CSNK1E: variants seen among roughly 807,000 people sequenced by gnomAD.
CSNK1E encodes casein kinase 1 epsilon, also known as casein kinase I isoform epsilon.
A neutral mutation model predicts 46.1 loss-of-function variants in CSNK1E; 17 were observed. The observed-to-expected ratio is 0.37, with a 90% confidence interval of 0.25 to 0.55. CSNK1E has a LOEUF of 0.55. Among genes scored for constraint, CSNK1E ranks in the 20% least tolerant of loss-of-function variants. CSNK1E has a pLI of 0.82. For synonymous variants in CSNK1E, 241 were observed against 242.6 expected, an observed-to-expected ratio of 0.99 and a Z score of 0.06; for missense variants, 386 against 595.4, an observed-to-expected ratio of 0.65 and a Z score of 3.66.
rs1465490602 is a variant in CSNK1E at position 38,300,209 on chromosome 22, ACTG to A, written c.566-147_566-145del. On this transcript the variant is annotated intron_variant, in intron 5 of 10. Coordinates refer to ENST00000396832, the MANE Select transcript of CSNK1E (RefSeq NM_152221.3). The surrounding 1 kb of genome is among the most constrained non-coding windows in gnomAD (Gnocchi z 4.4). ...CTCACTGCACGCATTTTAAACAGGC[ACTG>A]CTATTATCCTCCTCCTACAGAGAAG... is the stretch of plus-strand genomic sequence containing the variant. 15 of 710,468 alleles carry A rather than the reference ACTG, an allele frequency of 2.1e-5. No homozygotes were observed. In the East Asian group the frequency reaches 3.8e-4, roughly 18 times the overall value. The allele number at this position is 710,468 out of a possible 1,614,324, so 44.0% of individuals were successfully genotyped here. A position where few individuals can be genotyped will look rare whatever the true frequency, so the allele number is the denominator to read the frequency against.
chr22:38,301,686 G>A (rs1483064237), intron 4 of CSNK1E, among the ~76,000 whole-genome samples: 2 of 152,164 alleles, frequency 1.3e-5, no homozygotes, highest in East Asian at 1.9e-4. Context: ...CGCCTGCCTC[G>A]GCCTCCCAAA....
Position 38,303,739 on chromosome 22 carries a change from GC to G in CSNK1E, c.77-492del, listed in dbSNP as rs1172671135. Among the ~76,000 whole-genome samples, 1 of 152,186 alleles carries G rather than the reference GC, an allele frequency of 6.6e-6. No individual in the cohort carries two copies. The highest frequency in any genetic ancestry group is 2.4e-5 in the African/African-American group (1 of 41,444). Reference sequence around the variant, plus strand: ...CAGCAACCCCTCAGTCAATGCTGATGCCTTCAGAGGCAGCCCTGCACATTCT... The same window carrying G: ...CAGCAACCCCTCAGTCAATGCTGATGCTTCAGAGGCAGCCCTGCACATTCT... On this transcript the variant is annotated intron_variant, in intron 2 of 10. Coordinates refer to ENST00000396832, the MANE Select transcript of CSNK1E (RefSeq NM_152221.3). This position sits in a 1 kb window ranked among gnomAD's most constrained non-coding sequence, Gnocchi z 4.7.
At chr22:38,293,471 G>A (rs1042652864) in intron 9 of CSNK1E, 152 bp from the exon 10 acceptor site, 2 of 607,792 alleles carry the variant, frequency 3.3e-6, no homozygotes, top group Non-Finnish European at 5.9e-6. Context: ...AGCCCCTCAA[G>A]CTGAGGGAAG....
chr22:38,299,979 C>T lies in CSNK1E; in HGVS notation c.652G>A (p.Ala218Thr), dbSNP rs2092662451. The T allele has an allele frequency of 6.2e-7, 1 of 1,614,202 alleles. No individual in the cohort carries two copies. The highest frequency in any genetic ancestry group is 8.5e-7 in the Non-Finnish European group (1 of 1,180,036). Reference sequence around the variant, plus strand: ...TCATACTTCTGGCGCTTGGTGGCTGCTTTGAGCCCCTGCCAGGGCAGGGAG... The same window carrying T: ...TCATACTTCTGGCGCTTGGTGGCTGTTTTGAGCCCCTGCCAGGGCAGGGAG... ...LGSLPWQGLK[A>T]ATKRQKYERI... The change falls in exon 6 of 11, where the codon GCA becomes ACA. Residue 218 changes from alanine to threonine, a missense_variant. Ala to Thr is a moderately conservative substitution (Grantham distance 58). Coordinates refer to ENST00000396832, the MANE Select transcript of CSNK1E (RefSeq NM_152221.3).
intron 2 of CSNK1E, among the ~76,000 whole-genome samples, chr22:38,306,680 G>A (rs2092699997): frequency 6.6e-6 from 1 of 151,456 alleles, no homozygotes; most frequent in Non-Finnish European, 1.5e-5. Flanking sequence ...GCAGTGAGCC[G>A]AGATTGTGCC....
Position 38,293,238 on chromosome 22 carries a change from A to C in CSNK1E, c.*32+17T>G, listed in dbSNP as rs775804860. ...GGTCGGCTGGGCTGGCTGCATCTGC[A>C]GCAGTCATGGACTCACCTAAGCAAA... On this transcript the variant is annotated intron_variant, in intron 10 of 10. Coordinates refer to ENST00000396832, the MANE Select transcript of CSNK1E (RefSeq NM_152221.3). The C allele has an allele frequency of 4.4e-6, 7 of 1,608,884 alleles. No homozygotes were observed. The highest frequency in any genetic ancestry group is 1.7e-6 in the Non-Finnish European group (2 of 1,176,094).
intron 4 of CSNK1E, among the ~76,000 whole-genome samples, chr22:38,302,155 C>G (rs541140403): frequency 1.3e-5 from 2 of 152,304 alleles, no homozygotes; most frequent in East Asian, 3.9e-4. Context: ...CCTACGGTCA[C>G]TGGTCTGGAA....
intron 7 of CSNK1E, chr22:38,296,100 C>T: frequency 3.2e-6 from 3 of 950,456 alleles, no homozygotes; most frequent in Non-Finnish European, 3.8e-6. Flanking sequence ...GAGCCCCTGC[C>T]CTTTGTGAGC....
At chr22:38,304,020 G>A (rs1381586378) in intron 2 of CSNK1E, among the ~76,000 whole-genome samples, 2 of 152,172 alleles carry the variant, frequency 1.3e-5, no homozygotes, top group African/African-American at 4.8e-5. Context: ...TGGGCCCACT[G>A]CCCAACTCAA....
At chr22:38,311,740 G>T (rs1473683046) in intron 2 of CSNK1E, among the ~76,000 whole-genome samples, 1 of 151,982 alleles carries the variant, frequency 6.6e-6, no homozygotes, top group Non-Finnish European at 1.5e-5. Context: ...AGGTCACACA[G>T]CAAATGAGGA....
chr22:38,311,808 C>CTTT (rs71296618), intron 2 of CSNK1E, among the ~76,000 whole-genome samples: 24 of 140,296 alleles, frequency 1.7e-4, no homozygotes, highest in South Asian at 1.1e-3. Flanking sequence ...TTCTTTCCTT[C>CTTT]TTTTTTTTTT....
rs1315498643 is a variant in CSNK1E, at chr22:38,296,319, G to A, written c.886-1785C>T. 10 of 1,322,428 alleles carry A rather than the reference G, an allele frequency of 7.6e-6. No individual in the cohort carries two copies. The Admixed American group carries it at 1.8e-4, about 24-fold the overall frequency. 81.9% of individuals were successfully genotyped at this position (1,322,428 alleles called of 1,614,324 possible). On this transcript the variant is annotated intron_variant, in intron 7 of 10. Transcript: ENST00000396832. ...CCTTGGCTGTGTTGAATTCCTTCCC[G>A]GCCAGCTGACTGGACCTCGGAACAC...
At chr22:38,305,600 G>A (rs766811262) in intron 2 of CSNK1E, among the ~76,000 whole-genome samples, 1 of 152,166 alleles carries the variant, frequency 6.6e-6, no homozygotes, top group Non-Finnish European at 1.5e-5. Context: ...AAAAGACTCA[G>A]CAGAAAATAG....
At position 38,296,534 on chromosome 22, in the gene CSNK1E, G is replaced by C. The variant is rs752120037; in HGVS notation, c.886-2000C>G. On this transcript the variant is annotated intron_variant, in intron 7 of 10. Coordinates refer to ENST00000396832, the MANE Select transcript of CSNK1E (RefSeq NM_152221.3). The stretch of plus-strand genomic sequence containing the variant: ...CCAGGGGACTGCTGGAGGTGGTTCA[G>C]CTCACTACAGTGGCCGTGGCATTGA... The C allele has an allele frequency of 1.9e-6, 3 of 1,608,712 alleles. No individual in the cohort carries two copies. In the Admixed American group the frequency reaches 5.1e-5, roughly 27 times the overall value.
intron 2 of CSNK1E, among the ~76,000 whole-genome samples, chr22:38,304,536 C>CA (rs2065758735): frequency 6.6e-6 from 1 of 152,086 alleles, no homozygotes; most frequent in Non-Finnish European, 1.5e-5. Context: ...GGGGACAGGA[C>CA]AAGGATGGAC....
chr22:38,300,743 G>A lies in CSNK1E; in HGVS notation c.546C>T (p.Ile182=). ...CCTCACCAATGCCCAGGTGCGTGTT[G>A]ATGGAAGCGTAGCGGGCCGTGCCGG... ...NLTGTARYAS[I]NTHLGIEQSR... Residue 182 remains isoleucine (I), a synonymous_variant, in exon 5 of 11, where the codon ATC becomes ATT. Transcript: ENST00000396832. The surrounding 1 kb of genome is among the most constrained non-coding windows in gnomAD (Gnocchi z 4.4). 1 of 1,614,222 alleles carries A rather than the reference G, an allele frequency of 6.2e-7. No homozygotes were observed. The highest frequency in any genetic ancestry group is 1.1e-5 in the South Asian group (1 of 91,086).
chr22:38,306,332 C>T (rs1335839503), intron 2 of CSNK1E, among the ~76,000 whole-genome samples: 9 of 152,178 alleles, frequency 5.9e-5, no homozygotes, highest in Admixed American at 5.9e-4. Context: ...TCTTTCAACA[C>T]CTTTATTGAG....
chr22:38,317,099 G>A (rs1265397595), intron 1 of CSNK1E, 61 bp downstream of exon 1: 1 of 151,576 alleles, frequency 6.6e-6, no homozygotes, highest in Non-Finnish European at 1.5e-5. Flanking sequence ...AAGAGGCTGA[G>A]GGAGCCCGAT....
At chr22:38,311,300 C>A (rs1297436322) in intron 2 of CSNK1E, among the ~76,000 whole-genome samples, 4 of 152,178 alleles carry the variant, frequency 2.6e-5, no homozygotes, top group Admixed American at 1.3e-4. Flanking sequence ...AGAACCAGCA[C>A]CCAAACCTAG....
Sources: gnomAD v4.1 joint callset for allele counts (sites outside exome capture counted in the v4.1 genomes callset) on GRCh38, gnomAD v4.1.1 for gene constraint, Gnocchi (gnomAD v3.1) non-coding constraint, MANE v1.5 for transcripts, NCBI Gene and HGNC (gene_info 2026-07-23, HGNC 2026-07-21) for gene names.